Variants in CARD14 observed in about 807,000 individuals in gnomAD.
CARD14 encodes the protein caspase recruitment domain-containing protein 14.
In CARD14, 107 loss-of-function variants were observed where a neutral mutation model predicts 111.5. That is an observed-to-expected ratio of 0.96 (90% confidence interval 0.82 to 1.13). CARD14 has a LOEUF of 1.13. Ranked by LOEUF, CARD14 falls within the 50% of genes most tolerant of loss-of-function variation. The probability of loss-of-function intolerance (pLI) is 0.00; values close to 1 mark genes in which losing one functional copy is unlikely to be tolerated. For synonymous variants in CARD14, 617 were observed against 579.6 expected, an observed-to-expected ratio of 1.06 and a Z score of -0.93; for missense variants, 1,322 against 1,362.3, an observed-to-expected ratio of 0.97 and a Z score of 0.47.
chr17:80,178,164 C>T lies in CARD14; in HGVS notation c.-366-344C>T, dbSNP rs550975035. ...TGTCCTCTCCAGCTGTTCTTCCTTC[C>T]GGGCAAGGAGACTCAGCAGAAGGGT... On this transcript the variant is annotated intron_variant, in intron 2 of 23. Transcript: ENST00000648509. 5.9e-5 allele frequency among the ~76,000 whole-genome samples: 9 copies of T among 152,152 alleles called. No homozygotes were observed. In the South Asian group the frequency reaches 1.5e-3, roughly 25 times the overall value.
rs2144557503 is a variant in CARD14, at chr17:80,205,197, G to A, written c.2561G>A (p.Cys854Tyr). The A allele has an allele frequency of 6.2e-7, 1 of 1,612,040 alleles. No homozygotes were observed. Among genetic ancestry groups the A allele is most frequent in the Non-Finnish European group, 8.5e-7 (1 of 1,178,902 alleles). ...KLCLLQGFKKCLAEYLSQEEY... is the reference protein window; with the variant it reads ...KLCLLQGFKKYLAEYLSQEEY... ...TGCCTCCTCCAAGGGTTTAAGAAGT[G>A]CCTGGCAGGTATGCTGTTGCCTGGG... is the stretch of plus-strand genomic sequence containing the variant. The change falls in exon 21 of 24, where the codon TGC (cysteine) becomes TAC (tyrosine). Residue 854 changes from cysteine (C) to tyrosine (Y), a missense_variant. By Grantham distance (194) the Cys-to-Tyr change is radical. Transcript: ENST00000648509.
In CARD14 at chr17:80,201,539, A is replaced by G. The variant is rs1306930376; in HGVS notation, c.1852-205A>G. 3 of 590,248 alleles carry G rather than the reference A, an allele frequency of 5.1e-6. No individual in the cohort carries two copies. Among genetic ancestry groups the G allele is most frequent in the Non-Finnish European group, 9.0e-6 (3 of 331,806 alleles). 36.6% of individuals were successfully genotyped at this position (590,248 alleles called of 1,614,324 possible). A position where few individuals can be genotyped will look rare whatever the true frequency, so the allele number is the denominator to read the frequency against. On this transcript the variant is annotated intron_variant, in intron 16 of 23. Coordinates refer to ENST00000648509, the MANE Select transcript of CARD14 (RefSeq NM_001366385.1). This position sits in a 1 kb window ranked among gnomAD's most constrained non-coding sequence, Gnocchi z 5.0. ...AGGGTTGGCAGTTGACTCTCTGGCC[A>G]GCACTATGTGTAGCACGCATCACTA...
At position 80,195,899 on chromosome 17, in the gene CARD14, G is replaced by A; in HGVS notation, c.1594+247G>A. 3.9e-6 allele frequency: 2 copies of A among 515,442 alleles called. No homozygotes were observed. The highest frequency in any genetic ancestry group is 6.9e-6 in the Non-Finnish European group (2 of 288,070). The allele number at this position is 515,442 out of a possible 1,614,324, so 31.9% of individuals were successfully genotyped here. ...CCTTGTGTTTTTCCCTAGAGCCAGG[G>A]GAGTTGTGTCTGATCCACGCCCTGC... On this transcript the variant is annotated intron_variant, in intron 14 of 23. Coordinates refer to ENST00000648509, the MANE Select transcript of CARD14 (RefSeq NM_001366385.1). This position sits in a 1 kb window ranked among gnomAD's most constrained non-coding sequence, Gnocchi z 4.7.
Position 80,208,331 on chromosome 17 carries a change from C to T in CARD14, c.3001C>T (p.Gln1001Ter), listed in dbSNP as rs752112547. ...GCAGAAGAAGGTGGTGTGGACGGAG[C>T]AGAGCCCCCGATGATGCACCGTGCC... is the stretch of plus-strand genomic sequence containing the variant. ...DEQKKVVWTE[Q>*]SPR The change falls in exon 24 of 24, where the codon CAG becomes TAG. Residue 1001 changes from glutamine to a stop codon, truncating the protein, a stop_gained. Coordinates refer to ENST00000648509, the MANE Select transcript of CARD14 (RefSeq NM_001366385.1). LOFTEE classifies it high-confidence loss of function. The T allele has an allele frequency of 1.8e-5, 29 of 1,598,944 alleles. No homozygotes were observed. The highest frequency in any genetic ancestry group is 2.3e-5 in the Non-Finnish European group (27 of 1,172,898).
chr17:80,181,738 C>G, intron 5 of CARD14, 89 bp downstream of exon 5: 1 of 1,175,364 alleles, frequency 8.5e-7, no homozygotes, highest in Non-Finnish European at 1.2e-6. Flanking sequence ...GGGGTCTCTT[C>G]TCGTCCTGTC....
In CARD14 at chr17:80,188,426, G is replaced by A; in HGVS notation, c.725G>A (p.Cys242Tyr). 1 of 1,610,618 alleles carries A rather than the reference G, an allele frequency of 6.2e-7. No individual in the cohort carries two copies. The highest frequency in any genetic ancestry group is 8.5e-7 in the Non-Finnish European group (1 of 1,178,462). Residue 242 changes from cysteine (C) to tyrosine (Y), a missense_variant, in exon 8 of 24, where the codon TGT becomes TAT. Coordinates refer to ENST00000648509, the MANE Select transcript of CARD14 (RefSeq NM_001366385.1). This position sits in a 1 kb window ranked among gnomAD's most constrained non-coding sequence, Gnocchi z 4.5. ...CAGCGAGCCAACATGGTTTCCTCCT[G>A]TGAGCTGGAATTGCAAGAGCAGTCC... ...ELQRANMVSS[C>Y]ELELQEQSLR...
At chr17:80,173,318 A>ACGCGCG (rs767155054) in intron 2 of CARD14, 90 bp downstream of exon 2, 1 of 112,152 alleles carries the variant, frequency 8.9e-6, no homozygotes, top group African/African-American at 3.4e-5. Flanking sequence ...ACACACACAC[A>ACGCGCG]CACACACGCG....
At chr17:80,174,822 A>G (rs1229945666) in intron 2 of CARD14, among the ~76,000 whole-genome samples, 1 of 152,026 alleles carries the variant, frequency 6.6e-6, no homozygotes, top group Non-Finnish European at 1.5e-5. Flanking sequence ...TGACTTCCCT[A>G]GACTTCTCTT....
intron 7 of CARD14, among the ~76,000 whole-genome samples, chr17:80,184,998 G>A (rs1173685822): frequency 6.6e-6 from 1 of 152,172 alleles, no homozygotes; most frequent in Non-Finnish European, 1.5e-5. Flanking sequence ...TCAAAATACT[G>A]AGGATGTGCA....
chr17:80,187,284 C>T (rs767078968), intron 7 of CARD14, among the ~76,000 whole-genome samples: 37 of 152,198 alleles, frequency 2.4e-4, no homozygotes, highest in Non-Finnish European at 4.0e-4. Context: ...AGACGGGTGC[C>T]GGACTTGTTT....
chr17:80,192,222 G>A (rs971184484), intron 11 of CARD14: 1 of 276,432 alleles, frequency 3.6e-6, no homozygotes, highest in Non-Finnish European at 6.8e-6. Flanking sequence ...GTATGTATGT[G>A]TGTGTATTAT....
rs755430374 is a variant in CARD14 at position 80,205,162 on chromosome 17, C to A, written c.2526C>A (p.Ser842Arg). The stretch of plus-strand genomic sequence containing the variant: ...CCAGGGCGGTTGGGAAGATCCTGAG[C>A]GAGAAACTGTGCCTCCTCCAAGGGT... ...LVPRAVGKILSEKLCLLQGFK... is the reference protein window; with the variant it reads ...LVPRAVGKILREKLCLLQGFK... Residue 842 changes from serine to arginine, a missense_variant, in exon 21 of 24, where the codon AGC becomes AGA. Ser to Arg is a moderately radical substitution (Grantham distance 110). Coordinates refer to ENST00000648509, the MANE Select transcript of CARD14 (RefSeq NM_001366385.1). 6.2e-7 allele frequency: 1 copy of A among 1,613,736 alleles called. No homozygotes were observed. The highest frequency in any genetic ancestry group is 1.3e-5 in the African/African-American group (1 of 75,036).
Position 80,184,203 on chromosome 17 carries a change from C to T in CARD14, c.640C>T (p.Leu214=), listed in dbSNP as rs1483595630. 5 of 1,548,542 alleles carry T rather than the reference C, an allele frequency of 3.2e-6. No individual in the cohort carries two copies. Among genetic ancestry groups the T allele is most frequent in the Non-Finnish European group, 4.4e-6 (5 of 1,145,038 alleles). Residue 214 remains leucine (L), a synonymous_variant, in exon 7 of 24, where the codon CTG becomes TTG. Transcript: ENST00000648509. ...HYSNALQEKE[L]AASRCRSLQE... ...TAGCAATGCGCTGCAGGAGAAGGAG[C>T]TGGCCGCCTCACGCTGCCGCAGCCT...
rs1173588217 is a variant in CARD14, at chr17:80,188,843, G to C, written c.843+299G>C. On this transcript the variant is annotated intron_variant, in intron 8 of 23. Transcript: ENST00000648509. The surrounding 1 kb of genome is among the most constrained non-coding windows in gnomAD (Gnocchi z 4.5). Reference sequence around the variant, plus strand: ...GATGGGCAAGATAGCTTGAGCTCAGGAGTTCAAGACCAGCCTGGGCAACAT... The same window carrying C: ...GATGGGCAAGATAGCTTGAGCTCAGCAGTTCAAGACCAGCCTGGGCAACAT... The C allele has an allele frequency of 5.0e-6, 1 of 199,296 alleles. No individual in the cohort carries two copies. The highest frequency in any genetic ancestry group is 1.0e-5 in the Non-Finnish European group (1 of 99,526). The allele number at this position is 199,296 out of a possible 1,614,324, so 12.3% of individuals were successfully genotyped here.
In CARD14 at chr17:80,182,754, G is replaced by C. The variant is rs776425179; in HGVS notation, c.313G>C (p.Gly105Arg). ...CCCTGACGTCTACACCCTGGTCACC[G>C]GGCTGCAGCCTGATGTTGACTTCAG... ...HNPDVYTLVT[G>R]LQPDVDFSNF... Residue 105 changes from glycine to arginine, a missense_variant, in exon 6 of 24, where the codon GGG (glycine) becomes CGG (arginine). Physicochemically the swap from Gly to Arg is moderately radical, Grantham distance 125. Coordinates refer to ENST00000648509, the MANE Select transcript of CARD14 (RefSeq NM_001366385.1). This position sits in a 1 kb window ranked among gnomAD's most constrained non-coding sequence, Gnocchi z 4.7. 1.1e-5 allele frequency: 18 copies of C among 1,614,042 alleles called. No individual in the cohort carries two copies. Among genetic ancestry groups the C allele is most frequent in the South Asian group, 2.2e-5 (2 of 91,082 alleles).
At chr17:80,191,781 A>T (rs2040538740) in intron 11 of CARD14, among the ~76,000 whole-genome samples, 1 of 152,362 alleles carries the variant, frequency 6.6e-6, no homozygotes, top group Middle Eastern at 3.4e-3. Flanking sequence ...TGGATGTGGC[A>T]GGTGGCGTTT....
intron 2 of CARD14, among the ~76,000 whole-genome samples, chr17:80,174,583 G>A (rs564728923): frequency 1.3e-5 from 2 of 152,084 alleles, no homozygotes; most frequent in East Asian, 1.9e-4. Context: ...CCCCTACCCC[G>A]ATTTCTACTG....
At chr17:80,200,365 T>C (rs938971718) in intron 16 of CARD14, among the ~76,000 whole-genome samples, 1 of 151,238 alleles carries the variant, frequency 6.6e-6, no homozygotes, top group Non-Finnish European at 1.5e-5. Flanking sequence ...GCCTCCCATG[T>C]AGCTGGGATT....
rs998867280 is a variant in CARD14, at chr17:80,201,436, G to A, written c.1852-308G>A. ...ATGCTCTTGAATGTTCTAGAACCGA[G>A]GTTCTTTCTTTTCTTTTCTTTTCTT... On this transcript the variant is annotated intron_variant, in intron 16 of 23. Transcript: ENST00000648509. This position sits in a 1 kb window ranked among gnomAD's most constrained non-coding sequence, Gnocchi z 5.0. The A allele has an allele frequency of 1.9e-5, 7 of 360,970 alleles. No individual in the cohort carries two copies. The highest frequency in any genetic ancestry group is 7.8e-5 in the South Asian group (3 of 38,492). 22.4% of individuals were successfully genotyped at this position (360,970 alleles called of 1,614,324 possible).
Sources: allele counts gnomAD v4.1 joint callset (sites outside exome capture counted in the v4.1 genomes callset), GRCh38; gene constraint gnomAD v4.1.1; non-coding constraint Gnocchi (gnomAD v3.1); transcripts MANE v1.5; gene names NCBI Gene and HGNC (gene_info 2026-07-23, HGNC 2026-07-21).